Variants in SHANK2 observed in about 807,000 individuals in gnomAD.
The protein encoded by SHANK2 is SH3 and multiple ankyrin repeat domains 2, also known as SH3 and multiple ankyrin repeat domains protein 2.
SHANK2 carries 43 observed loss-of-function variants against 133.7 expected under a neutral mutation model. The ratio of observed to expected loss-of-function variants is 0.32; its 90% CI spans 0.25 to 0.41. The LOEUF (loss-of-function observed/expected upper bound fraction) is 0.41, where lower values mean the gene tolerates loss of function less well. Ranked by LOEUF, SHANK2 falls within the 10% of genes least tolerant of loss-of-function variation. SHANK2 has a pLI of 1.00. For synonymous variants in SHANK2, 1,017 were observed against 952.8 expected (o/e 1.07, Z -1.24); for missense variants, 1,994 against 2,235.8 (o/e 0.89, Z 2.18).
At chr11:71,185,898 G>T (rs560924930) in intron 2 of SHANK2, among the ~76,000 whole-genome samples, 2 of 152,256 alleles carry the variant, frequency 1.3e-5, no homozygotes, top group East Asian at 3.9e-4. Flanking sequence ...CAACCCCAGA[G>T]CCTGGAGAGG....
chr11:71,079,874 AGGGAG>A (rs1304820196), intron 8 of SHANK2, among the ~76,000 whole-genome samples: 11 of 19,470 alleles, frequency 5.6e-4, no homozygotes, highest in East Asian at 1.6e-3. Flanking sequence ...GGGGAGGGGA[AGGGAG>A]GGGAGGGGAG....
At chr11:71,070,775 G>A (rs1160282351) in intron 9 of SHANK2, among the ~76,000 whole-genome samples, 3 of 152,230 alleles carry the variant, frequency 2.0e-5, no homozygotes, top group Non-Finnish European at 4.4e-5. Flanking sequence ...TCGTTATGAC[G>A]GAGTCCATGC....
At chr11:70,623,375 C>A (rs61886374) in intron 17 of SHANK2, among the ~76,000 whole-genome samples, 1 of 152,176 alleles carries the variant, frequency 6.6e-6, no homozygotes, top group Admixed American at 6.5e-5. Flanking sequence ...TTATGCTCCA[C>A]GCACCATTTG....
rs554789936 is a variant in SHANK2 at position 70,837,991 on chromosome 11, A to G, written c.1175-17309T>C. 2.2e-4 allele frequency among the ~76,000 whole-genome samples: 33 copies of G among 150,604 alleles called. 1 individual carries two copies. The highest frequency in any genetic ancestry group is 1.0e-3 in the South Asian group (5 of 4,792). ...ATTCTGTCTCAAAAAAAAAAAAAAA[A>G]AAAAAAAAAAGAAAAAAAAAAGATG... On this transcript the variant is annotated intron_variant, in intron 11 of 25. Coordinates refer to ENST00000601538, the MANE Select transcript of SHANK2 (RefSeq NM_012309.5).
chr11:70,545,036 C>T (rs1352740729), intron 17 of SHANK2, among the ~76,000 whole-genome samples: 1 of 152,160 alleles, frequency 6.6e-6, no homozygotes, highest in East Asian at 1.9e-4. Context: ...AGGATGGCCT[C>T]TTGGAAGAGG....
At chr11:71,203,898 G>C (rs1954072518) in intron 2 of SHANK2, among the ~76,000 whole-genome samples, 1 of 152,212 alleles carries the variant, frequency 6.6e-6, no homozygotes, top group African/African-American at 2.4e-5. Context: ...CTTGTGTGCT[G>C]TCACACATCT....
intron 11 of SHANK2, among the ~76,000 whole-genome samples, chr11:70,855,771 T>A (rs73534031): frequency 2.0e-5 from 3 of 152,180 alleles, no homozygotes; most frequent in Middle Eastern, 3.4e-3. Context: ...AAGGAAGGAG[T>A]TAAATCGATG....
At chr11:71,176,183 C>T (rs1247258920) in intron 2 of SHANK2, among the ~76,000 whole-genome samples, 3 of 152,104 alleles carry the variant, frequency 2.0e-5, no homozygotes, top group African/African-American at 4.8e-5. Context: ...GCCATCATCC[C>T]GCCCAACGAA....
Position 70,729,913 on chromosome 11 carries a change from A to G in SHANK2, c.1778-31150T>C, listed in dbSNP as rs1337711565. Among the ~76,000 whole-genome samples, 3 of 151,592 alleles carry G rather than the reference A, an allele frequency of 2.0e-5. No homozygotes were observed. The East Asian group carries it at 5.8e-4, about 29-fold the overall frequency. The stretch of plus-strand genomic sequence containing the variant: ...ACAAAGTGTTACTAAAAAAAAAAAA[A>G]AAAAGCCGATAGGTGCCTGAGCCAG... On this transcript the variant is annotated intron_variant, in intron 14 of 25. Transcript: ENST00000601538.
intron 14 of SHANK2, among the ~76,000 whole-genome samples, chr11:70,746,584 C>T (rs1555036161): frequency 1.3e-5 from 2 of 152,164 alleles, no homozygotes; most frequent in East Asian, 1.9e-4. Context: ...GGCCTCCCTC[C>T]AGGGTGGGGG....
intron 13 of SHANK2, among the ~76,000 whole-genome samples, chr11:70,805,209 G>T (rs993353549): frequency 1.3e-5 from 2 of 152,138 alleles, no homozygotes; most frequent in Non-Finnish European, 2.9e-5. Context: ...CTCCAAAGCA[G>T]GACTCACAGA....
At chr11:70,808,345 G>A (rs946862627) in intron 12 of SHANK2, among the ~76,000 whole-genome samples, 3 of 151,892 alleles carry the variant, frequency 2.0e-5, no homozygotes, top group African/African-American at 7.3e-5. Context: ...GGGATTACAG[G>A]TGCCCGCCAC....
chr11:70,919,756 A>G (rs570304210), intron 10 of SHANK2, among the ~76,000 whole-genome samples: 3 of 151,518 alleles, frequency 2.0e-5, no homozygotes, highest in East Asian at 1.9e-4. Flanking sequence ...CCTCTCCCCA[A>G]CCTCCCAGCT....
chr11:70,900,782 A>G (rs1366212520), intron 10 of SHANK2, among the ~76,000 whole-genome samples: 2 of 152,076 alleles, frequency 1.3e-5, no homozygotes, highest in Non-Finnish European at 2.9e-5. Flanking sequence ...TGCCCGCCCT[A>G]TGCTTGGCTT....
rs972569488 is a variant in SHANK2, at chr11:70,944,315, C to T, written c.1108-47748G>A. Among the ~76,000 whole-genome samples the T allele has an allele frequency of 2.0e-5, 3 of 152,224 alleles. No homozygotes were observed. The South Asian group carries it at 6.2e-4, about 31-fold the overall frequency. On this transcript the variant is annotated intron_variant, in intron 10 of 25. Coordinates refer to ENST00000601538, the MANE Select transcript of SHANK2 (RefSeq NM_012309.5). ...TGTGCCCACCTAGGCCGAAGCTCCA[C>T]ACTCATCCCAGGCCCGGCCCGGCCT...
At chr11:71,105,120 A>G (rs1211425170) in intron 6 of SHANK2, among the ~76,000 whole-genome samples, 1 of 152,210 alleles carries the variant, frequency 6.6e-6, no homozygotes, top group Non-Finnish European at 1.5e-5. Flanking sequence ...ACTGGGGTAC[A>G]TTGGAAAATG....
chr11:70,952,348 C>T (rs1555086843), intron 10 of SHANK2, among the ~76,000 whole-genome samples: 1 of 152,190 alleles, frequency 6.6e-6, no homozygotes, highest in African/African-American at 2.4e-5. Context: ...CCATCTTGTT[C>T]ATAGAAATGG....
At chr11:70,611,365 C>T (rs1184871734) in intron 17 of SHANK2, among the ~76,000 whole-genome samples, 3 of 152,084 alleles carry the variant, frequency 2.0e-5, no homozygotes, top group Admixed American at 2.0e-4. Context: ...TGTGGCATTA[C>T]CCGTTCCTCG....
chr11:71,073,261 C>T (rs1206509349), intron 9 of SHANK2, among the ~76,000 whole-genome samples: 1 of 149,620 alleles, frequency 6.7e-6, no homozygotes, highest in Non-Finnish European at 1.5e-5. Context: ...CGGGTTCAAG[C>T]AATTCTCTTG....
Sources: allele counts gnomAD v4.1 joint callset (sites outside exome capture counted in the v4.1 genomes callset), GRCh38; gene constraint gnomAD v4.1.1; transcripts MANE v1.5; gene names NCBI Gene and HGNC (gene_info 2026-07-23, HGNC 2026-07-21).